GALNT2: variants seen among roughly 807,000 people sequenced by gnomAD.
The protein encoded by GALNT2 is UDP-GalNAc:polypeptide N-acetylgalactosaminyltransferase 2.
In GALNT2, 31 loss-of-function variants were observed where a neutral mutation model predicts 81.4. The observed-to-expected ratio is 0.38, with a 90% CI of 0.29 to 0.51. The LOEUF (loss-of-function observed/expected upper bound fraction) is 0.51. Ranked by LOEUF, GALNT2 falls within the 20% of genes least tolerant of loss-of-function variation. The pLI, the probability that GALNT2 is intolerant of heterozygous loss-of-function variation, is 0.87. For synonymous variants in GALNT2, 303 were observed against 287.4 expected (o/e 1.05, Z -0.55); for missense variants, 629 against 765.7 (o/e 0.82, Z 2.11).
chr1:230,132,338 G>T (rs905072708), intron 1 of GALNT2, among the ~76,000 whole-genome samples: 24 of 152,152 alleles, frequency 1.6e-4, no homozygotes, highest in African/African-American at 5.3e-4. Context: ...ATTTCCTAAG[G>T]GAAGAACACA....
intron 1 of GALNT2, among the ~76,000 whole-genome samples, chr1:230,093,577 A>C (rs7519655): frequency 0.71 from 108,098 of 152,088 alleles, 38,681 homozygotes; most frequent in African/African-American, 0.78. Flanking sequence ...GAAGGTTTTC[A>C]TAAGTGCTGT....
Position 230,243,509 on chromosome 1 carries a change from T to C in GALNT2, c.729+82T>C. The C allele has an allele frequency of 6.5e-7, 1 of 1,533,316 alleles. No homozygotes were observed. The highest frequency in any genetic ancestry group is 8.7e-7 in the Non-Finnish European group (1 of 1,143,484). The allele number at this position is 1,533,316 out of a possible 1,614,324, so 95.0% of individuals were successfully genotyped here. On this transcript the variant is annotated intron_variant, in intron 7 of 15. Transcript: ENST00000366672. The surrounding 1 kb of genome is among the most constrained non-coding windows in gnomAD (Gnocchi z 4.2). Reference sequence around the variant, plus strand: ...AGAAGGGAGCATGGTCCAGGGGAGGTGTAACGCAGGGAGTAGGGCGTCAGG... The same window carrying C: ...AGAAGGGAGCATGGTCCAGGGGAGGCGTAACGCAGGGAGTAGGGCGTCAGG...
intron 1 of GALNT2, among the ~76,000 whole-genome samples, chr1:230,126,535 G>GC (rs979288629): frequency 6.6e-6 from 1 of 152,062 alleles, no homozygotes; most frequent in Non-Finnish European, 1.5e-5. Context: ...GGGAAGAGAG[G>GC]CCCCCGCCTC....
chr1:230,189,905 A>G (rs774172366), intron 2 of GALNT2, among the ~76,000 whole-genome samples: 1 of 151,868 alleles, frequency 6.6e-6, no homozygotes, highest in Admixed American at 6.6e-5. Flanking sequence ...CTTGTCCTTT[A>G]TTTCTGGCTT....
rs184262966 is a variant in GALNT2 at position 230,250,820 on chromosome 1, C to T, written c.1009+260C>T. Among the ~76,000 whole-genome samples, 9 of 152,246 alleles carry T rather than the reference C, an allele frequency of 5.9e-5. No individual in the cohort carries two copies. The East Asian group carries it at 1.4e-3, about 23-fold the overall frequency. On this transcript the variant is annotated intron_variant, in intron 10 of 15. Transcript: ENST00000366672. ...AAGGGAAATGCAAACTCTTTCAAGG[C>T]GTCTGAACCCAAGTGTTTGGAATGT...
intron 14 of GALNT2, among the ~76,000 whole-genome samples, chr1:230,267,797 C>T (rs1031346011): frequency 6.6e-6 from 1 of 152,170 alleles, no homozygotes; most frequent in Non-Finnish European, 1.5e-5. Flanking sequence ...GTGCCATCCC[C>T]ACCGTGTCCA....
At chr1:230,130,798 A>G (rs1661342767) in intron 1 of GALNT2, among the ~76,000 whole-genome samples, 1 of 152,142 alleles carries the variant, frequency 6.6e-6, no homozygotes, top group Non-Finnish European at 1.5e-5. Flanking sequence ...AACCACTTTA[A>G]TGAGTTTATG....
intron 1 of GALNT2, among the ~76,000 whole-genome samples, chr1:230,094,062 C>T (rs1660171731): frequency 6.6e-6 from 1 of 152,026 alleles, no homozygotes; most frequent in African/African-American, 2.4e-5. Flanking sequence ...AATGCAGTGG[C>T]ACAAACATCA....
At chr1:230,151,899 T>C (rs1662105233) in intron 1 of GALNT2, among the ~76,000 whole-genome samples, 1 of 152,216 alleles carries the variant, frequency 6.6e-6, no homozygotes, top group South Asian at 2.1e-4. Context: ...AAGGGGTGGA[T>C]TATTCATGCC....
At chr1:230,133,878 T>C (rs894611309) in intron 1 of GALNT2, among the ~76,000 whole-genome samples, 3 of 152,200 alleles carry the variant, frequency 2.0e-5, no homozygotes, top group Non-Finnish European at 4.4e-5. Flanking sequence ...CAACCCTTTG[T>C]CTATTTTTAG....
At chr1:230,258,104 A>G (rs1187360273) in intron 11 of GALNT2, among the ~76,000 whole-genome samples, 2 of 151,982 alleles carry the variant, frequency 1.3e-5, no homozygotes, top group African/African-American at 4.8e-5. Context: ...TAGTAGAGAC[A>G]GGGTTTCACC....
In GALNT2 at chr1:230,100,606, G is replaced by A. The variant is rs549787727; in HGVS notation, c.126+33200G>A. ...CTCCCAAAGTGCTGGGATTACAGGC[G>A]TGAGCCACAGCACCCGGCGTTTTTA... On this transcript the variant is annotated intron_variant, in intron 1 of 15. Coordinates refer to ENST00000366672, the MANE Select transcript of GALNT2 (RefSeq NM_004481.5). 4.6e-5 allele frequency among the ~76,000 whole-genome samples: 7 copies of A among 152,324 alleles called. No individual in the cohort carries two copies. In the East Asian group the frequency reaches 5.8e-4, roughly 13 times the overall value.
intron 2 of GALNT2, among the ~76,000 whole-genome samples, chr1:230,195,037 G>T (rs992730646): frequency 2.6e-5 from 4 of 152,184 alleles, no homozygotes; most frequent in Non-Finnish European, 5.9e-5. Flanking sequence ...AACTGAAAAG[G>T]GTACAGCAAA....
intron 3 of GALNT2, among the ~76,000 whole-genome samples, chr1:230,220,692 C>T (rs1423451858): frequency 1.3e-5 from 2 of 152,112 alleles, no homozygotes; most frequent in African/African-American, 4.8e-5. Flanking sequence ...TGGAGGCCAG[C>T]GCATGGTGGT....
chr1:230,223,750 C>T (rs1452995019), intron 3 of GALNT2, among the ~76,000 whole-genome samples: 1 of 152,214 alleles, frequency 6.6e-6, no homozygotes, highest in Non-Finnish European at 1.5e-5. Flanking sequence ...GGATTGTAGG[C>T]GTGAGCCACT....
intron 3 of GALNT2, among the ~76,000 whole-genome samples, chr1:230,207,488 A>G (rs1018762226): frequency 1.3e-5 from 2 of 152,256 alleles, no homozygotes; most frequent in African/African-American, 4.8e-5. Context: ...AAATATTTAC[A>G]TGGAATCAGG....
At chr1:230,087,647 C>T (rs1379580148) in intron 1 of GALNT2, among the ~76,000 whole-genome samples, 2 of 152,202 alleles carry the variant, frequency 1.3e-5, no homozygotes, top group Admixed American at 6.5e-5. Flanking sequence ...GTGAATGACT[C>T]TCACGCAGTC....
intron 1 of GALNT2, among the ~76,000 whole-genome samples, chr1:230,139,264 C>A (rs906202331): frequency 4.6e-5 from 7 of 152,216 alleles, no homozygotes; most frequent in African/African-American, 1.7e-4. Flanking sequence ...TGAGAACAAT[C>A]AGGGTCCTCT....
intron 1 of GALNT2, among the ~76,000 whole-genome samples, chr1:230,058,766 A>C (rs10779822): frequency 0.64 from 97,686 of 152,058 alleles, 34,796 homozygotes; most frequent in Admixed American, 0.8. Context: ...CTGGGAAGAC[A>C]GCAGCAGGTG....
Sources: allele counts gnomAD v4.1 joint callset (sites outside exome capture counted in the v4.1 genomes callset), GRCh38; gene constraint gnomAD v4.1.1; non-coding constraint Gnocchi (gnomAD v3.1); transcripts MANE v1.5; gene names NCBI Gene and HGNC (gene_info 2026-07-23, HGNC 2026-07-21).